SPRING1: variants seen among roughly 807,000 people sequenced by gnomAD.
The protein encoded by SPRING1 is SREBP regulating gene protein.
A neutral mutation model predicts 24.7 loss-of-function variants in SPRING1; 14 were observed. The observed-to-expected ratio is 0.57, with a 90% CI of 0.37 to 0.88. The LOEUF (loss-of-function observed/expected upper bound fraction) is 0.88, where lower values mean the gene tolerates loss of function less well. Ranked by LOEUF, SPRING1 falls within the 40% of genes least tolerant of loss-of-function variation. The pLI, the probability that SPRING1 is intolerant of heterozygous loss-of-function variation, is 0.00. For synonymous variants in SPRING1, 93 were observed against 106.1 expected, an observed-to-expected ratio of 0.88 and a Z score of 0.76; for missense variants, 255 against 268.4, an observed-to-expected ratio of 0.95 and a Z score of 0.35.
At chr12:116,724,483 G>A (rs748862684) in intron 1 of SPRING1, among the ~76,000 whole-genome samples, 5 of 152,166 alleles carry the variant, frequency 3.3e-5, no homozygotes, top group Admixed American at 1.3e-4. Context: ...TGGGGAGGCC[G>A]AGGCTGGTGG....
In SPRING1 at chr12:116,716,828, T is replaced by C. The variant is rs780905714; in HGVS notation, c.*982A>G. 5.3e-5 allele frequency: 8 copies of C among 152,210 alleles called. No individual in the cohort carries two copies. The highest frequency in any genetic ancestry group is 2.1e-4 in the South Asian group (1 of 4,830). The allele number at this position is 152,210 out of a possible 1,614,324, so 9.4% of individuals were successfully genotyped here. ...CTGAAAGCAATAAAGAATAAACACA[T>C]ACAGCAAGCTACGAGGTGCGTCTGT... On this transcript the variant is annotated 3_prime_UTR_variant, in exon 5 of 5. Transcript: ENST00000261318.
chr12:116,732,254 A>G (rs1871010629), intron 1 of SPRING1, among the ~76,000 whole-genome samples: 1 of 152,334 alleles, frequency 6.6e-6, no homozygotes, highest in Non-Finnish European at 1.5e-5. Flanking sequence ...AAGGATTTAT[A>G]TAAAATCTCA....
At chr12:116,725,547 C>T (rs1325561295) in intron 1 of SPRING1, among the ~76,000 whole-genome samples, 1 of 152,084 alleles carries the variant, frequency 6.6e-6, no homozygotes, top group Non-Finnish European at 1.5e-5. Flanking sequence ...TTATTAATAA[C>T]AGAAGGAAAT....
chr12:116,727,655 T>C (rs999902732), intron 1 of SPRING1, among the ~76,000 whole-genome samples: 3 of 152,218 alleles, frequency 2.0e-5, no homozygotes, highest in Non-Finnish European at 4.4e-5. Flanking sequence ...ATAATGGAAA[T>C]TTTTAGTTAT....
At chr12:116,719,270 T>C (rs960453011) in intron 4 of SPRING1, among the ~76,000 whole-genome samples, 4 of 152,316 alleles carry the variant, frequency 2.6e-5, no homozygotes, top group South Asian at 2.1e-4. Flanking sequence ...CTAATATGTA[T>C]TGAGAGCCTG....
At chr12:116,725,642 T>C (rs546876135) in intron 1 of SPRING1, among the ~76,000 whole-genome samples, 2 of 152,252 alleles carry the variant, frequency 1.3e-5, no homozygotes, top group Admixed American at 1.3e-4. Flanking sequence ...TCCCAACACT[T>C]TGGGAGGCCA....
At chr12:116,722,957 G>A (rs759499419) in intron 2 of SPRING1, 110 bp downstream of exon 2, 80 of 1,364,256 alleles carry the variant, frequency 5.9e-5, no homozygotes, top group Non-Finnish European at 7.2e-5. Flanking sequence ...GGAGATGAGC[G>A]AGGAGAGAAA....
At chr12:116,736,472 G>A (rs1035780644) in intron 1 of SPRING1, among the ~76,000 whole-genome samples, 1 of 152,208 alleles carries the variant, frequency 6.6e-6, no homozygotes, top group African/African-American at 2.4e-5. Flanking sequence ...TGCCTAAGGT[G>A]GCAGGTCACG....
chr12:116,737,706 A>G, intron 1 of SPRING1, 84 bp downstream of exon 1: 1 of 1,316,400 alleles, frequency 7.6e-7, no homozygotes, highest in Admixed American at 3.0e-5. Context: ...GGAGGAAGGT[A>G]ACGAAGGAAG....
In SPRING1 at chr12:116,720,150, G is replaced by T; in HGVS notation, c.420+146C>A. On this transcript the variant is annotated intron_variant, in intron 3 of 4. Transcript: ENST00000261318. This position sits in a 1 kb window ranked among gnomAD's most constrained non-coding sequence, Gnocchi z 4.0. ...AACCACCTCCTTTCCTTAGATAAAA[G>T]CTATTGTGCAGCAATTTCTGACACC... 9.3e-7 allele frequency: 1 copy of T among 1,076,158 alleles called. No homozygotes were observed. The highest frequency in any genetic ancestry group is 1.3e-6 in the Non-Finnish European group (1 of 763,710). The allele number at this position is 1,076,158 out of a possible 1,614,324, so 66.7% of individuals were successfully genotyped here.
intron 1 of SPRING1, among the ~76,000 whole-genome samples, chr12:116,723,452 C>T (rs1210671402): frequency 1.6e-4 from 25 of 152,092 alleles, no homozygotes; most frequent in Admixed American, 1.3e-4. Flanking sequence ...TACTTACATG[C>T]GTGGCTCCTG....
chr12:116,732,363 C>T (rs1242282267), intron 1 of SPRING1, among the ~76,000 whole-genome samples: 2 of 151,654 alleles, frequency 1.3e-5, no homozygotes, highest in African/African-American at 4.8e-5. Context: ...ATTGTTTAAG[C>T]TCAGGGGTTC....
chr12:116,734,468 G>A (rs983034548), intron 1 of SPRING1, among the ~76,000 whole-genome samples: 8 of 152,184 alleles, frequency 5.3e-5, no homozygotes, highest in Non-Finnish European at 1.0e-4. Flanking sequence ...TGACAGAGTG[G>A]ACAGCACCTG....
At chr12:116,736,182 G>A (rs1871212189) in intron 1 of SPRING1, among the ~76,000 whole-genome samples, 1 of 149,506 alleles carries the variant, frequency 6.7e-6, no homozygotes, top group Admixed American at 6.7e-5. Context: ...GATCTAGGCT[G>A]TTGTTATCAA....
At position 116,723,408 on chromosome 12, in the gene SPRING1, A is replaced by G. The variant is rs115951908; in HGVS notation, c.112-185T>C. Among the ~76,000 whole-genome samples, 636 of 152,348 alleles carry G rather than the reference A, an allele frequency of 4.2e-3. 4 individuals carry two copies. The highest frequency in any genetic ancestry group is 0.014 in the African/African-American group (600 of 41,584). The stretch of plus-strand genomic sequence containing the variant: ...GTCATAAAATAAACCTGTAGGAAAA[A>G]GTAATAAGCTAGTGCTATGCTTGAA... On this transcript the variant is annotated intron_variant, in intron 1 of 4. Transcript: ENST00000261318.
At chr12:116,734,080 T>C (rs1400574110) in intron 1 of SPRING1, among the ~76,000 whole-genome samples, 1 of 152,212 alleles carries the variant, frequency 6.6e-6, no homozygotes, top group Non-Finnish European at 1.5e-5. Context: ...TTTTGCCATG[T>C]TGGCCAGGCT....
At chr12:116,734,681 C>T (rs1158529828) in intron 1 of SPRING1, among the ~76,000 whole-genome samples, 2 of 152,092 alleles carry the variant, frequency 1.3e-5, no homozygotes, top group African/African-American at 4.8e-5. Context: ...GAGAGTGAGG[C>T]AAGACAGATA....
At chr12:116,733,893 T>C (rs958933957) in intron 1 of SPRING1, among the ~76,000 whole-genome samples, 16 of 152,182 alleles carry the variant, frequency 1.1e-4, no homozygotes, top group African/African-American at 3.9e-4. Flanking sequence ...CTTATATTTT[T>C]TGAAACACAG....
rs1417516479 is a variant in SPRING1 at position 116,720,284 on chromosome 12, A to C, written c.420+12T>G. ...AAAAAGGAGCCGCAGAACCAGGATC[A>C]ACTCCCCATACCTTGTTGGGCTGCA... is the stretch of plus-strand genomic sequence containing the variant. On this transcript the variant is annotated intron_variant, in intron 3 of 4. Transcript: ENST00000261318. The surrounding 1 kb of genome is among the most constrained non-coding windows in gnomAD (Gnocchi z 4.0). The C allele has an allele frequency of 1.8e-5, 28 of 1,592,108 alleles. No individual in the cohort carries two copies. The highest frequency in any genetic ancestry group is 2.4e-5 in the Non-Finnish European group (28 of 1,173,172).
Sources: allele counts gnomAD v4.1 joint callset (sites outside exome capture counted in the v4.1 genomes callset), GRCh38; gene constraint gnomAD v4.1.1; non-coding constraint Gnocchi (gnomAD v3.1); transcripts MANE v1.5; gene names NCBI Gene and HGNC (gene_info 2026-07-23, HGNC 2026-07-21).